The following CPED1 variants were observed in gnomAD, a reference collection of about 807,000 sequenced individuals.
The protein encoded by CPED1 is cadherin like and PC-esterase domain containing 1.
Under a neutral mutation model 128.2 loss-of-function variants are expected in CPED1, and 114 were observed. The ratio of observed to expected loss-of-function variants is 0.89; its 90% CI spans 0.76 to 1.04. The LOEUF is 1.04. CPED1 is among the 50% of genes least tolerant of loss of function. The pLI is 0.00. For synonymous variants in CPED1, 462 were observed against 426.7 expected (o/e 1.08, Z -1.02); for missense variants, 1,211 against 1,207.1 (o/e 1.00, Z -0.05).
chr7:121,194,739 A>G (rs1337045114), intron 16 of CPED1, among the ~76,000 whole-genome samples: 1 of 152,090 alleles, frequency 6.6e-6, no homozygotes, highest in Non-Finnish European at 1.5e-5. Flanking sequence ...CTGTTTTTAA[A>G]AACATCCCTT....
chr7:121,070,184 A>G (rs12706312), intron 5 of CPED1, among the ~76,000 whole-genome samples: 2,656 of 149,066 alleles, frequency 0.018, 32 homozygotes, highest in Non-Finnish European at 0.027. Flanking sequence ...AATATAATTA[A>G]TATATAATTT....
At chr7:121,206,572 A>G (rs1318449976) in intron 16 of CPED1, among the ~76,000 whole-genome samples, 1 of 151,974 alleles carries the variant, frequency 6.6e-6, no homozygotes, top group Non-Finnish European at 1.5e-5. Flanking sequence ...TGCCCCAGAC[A>G]TCACAGTTTG....
rs201765489 is a variant in CPED1, at chr7:121,125,908, G to A, written c.1134+16G>A. 21 of 1,551,308 alleles carry A rather than the reference G, an allele frequency of 1.4e-5. No individual in the cohort carries two copies. The African/African-American group carries it at 2.7e-4, about 20-fold the overall frequency. The stretch of plus-strand genomic sequence containing the variant: ...AGTGCTCCAGGTCAGTATGCCAAAG[G>A]CCTCATGTGAGCTTCTACCTTGTGG... On this transcript the variant is annotated intron_variant, in intron 9 of 22. Coordinates refer to ENST00000310396, the MANE Select transcript of CPED1 (RefSeq NM_024913.5).
chr7:121,096,983 AT>A (rs1344397589), intron 5 of CPED1, among the ~76,000 whole-genome samples: 2 of 152,160 alleles, frequency 1.3e-5, no homozygotes, highest in African/African-American at 4.8e-5. Context: ...GCTTATTCAG[AT>A]CTTACAAGTT....
In CPED1 at chr7:121,244,013, G is replaced by C. The variant is rs143693232; in HGVS notation, c.2174-189G>C. Among the ~76,000 whole-genome samples, 68 of 152,302 alleles carry C rather than the reference G, an allele frequency of 4.5e-4. 1 individual carries two copies. Among genetic ancestry groups the C allele is most frequent in the Middle Eastern group, 3.4e-3 (1 of 294 alleles). On this transcript the variant is annotated intron_variant, in intron 17 of 22. Coordinates refer to ENST00000310396, the MANE Select transcript of CPED1 (RefSeq NM_024913.5). ...TTTTAGCATGAAATGTGTTATTTCA[G>C]AACATTACTTAATGTTGCTATTCTA...
intron 16 of CPED1, among the ~76,000 whole-genome samples, chr7:121,227,692 A>G (rs1013004979): frequency 5.9e-5 from 9 of 152,086 alleles, no homozygotes; most frequent in Non-Finnish European, 2.9e-5. Context: ...TAGCATTTCT[A>G]TTTTCTTATT....
intron 16 of CPED1, among the ~76,000 whole-genome samples, chr7:121,234,779 TA>T (rs1418638897): frequency 6.6e-6 from 1 of 152,096 alleles, no homozygotes; most frequent in Non-Finnish European, 1.5e-5. Context: ...ACAAAATCAA[TA>T]TTTAGTACAT....
chr7:121,231,615 G>A (rs1238485230), intron 16 of CPED1, among the ~76,000 whole-genome samples: 4 of 152,060 alleles, frequency 2.6e-5, no homozygotes, highest in Non-Finnish European at 5.9e-5. Flanking sequence ...GTAGAACGTT[G>A]GATGGAGATA....
intron 10 of CPED1, among the ~76,000 whole-genome samples, chr7:121,127,561 A>G (rs1795536687): frequency 7.3e-6 from 1 of 136,508 alleles, no homozygotes; most frequent in Admixed American, 7.6e-5. Flanking sequence ...TTTGAGACAG[A>G]GTCTCGCTCT....
intron 16 of CPED1, among the ~76,000 whole-genome samples, chr7:121,207,358 C>A (rs946475609): frequency 3.3e-5 from 5 of 151,932 alleles, no homozygotes; most frequent in African/African-American, 1.2e-4. Context: ...CCTGTTTCCC[C>A]ACAGTCTCAC....
chr7:121,130,144 C>T lies in CPED1; in HGVS notation c.1427C>T (p.Pro476Leu), dbSNP rs761412653. The change falls in exon 12 of 23, where the codon CCT becomes CTT. Residue 476 changes from proline to leucine, a missense_variant. Physicochemically the swap from Pro to Leu is moderately conservative, Grantham distance 98. Coordinates refer to ENST00000310396, the MANE Select transcript of CPED1 (RefSeq NM_024913.5). Reference protein sequence around the residue: ...QFQLLFPSTTPGIQSLMHEFY... With the variant: ...QFQLLFPSTTLGIQSLMHEFY... ...TCTCAGCTCTTCCCATCTACTACTC[C>T]TGGGATTCAGTCACTGATGCATGAA... 1 of 1,612,366 alleles carries T rather than the reference C, an allele frequency of 6.2e-7. No individual in the cohort carries two copies. The highest frequency in any genetic ancestry group is 8.5e-7 in the Non-Finnish European group (1 of 1,178,876).
chr7:121,090,835 G>A (rs577652966), intron 5 of CPED1, among the ~76,000 whole-genome samples: 1 of 152,174 alleles, frequency 6.6e-6, no homozygotes, highest in East Asian at 1.9e-4. Flanking sequence ...TATAATCCCA[G>A]CTACTCGAGA....
intron 16 of CPED1, among the ~76,000 whole-genome samples, chr7:121,162,428 G>T (rs952497017): frequency 2.0e-5 from 3 of 152,112 alleles, no homozygotes; most frequent in Non-Finnish European, 4.4e-5. Flanking sequence ...ATCAGATTCC[G>T]CACAGAGAAC....
rs377035175 is a variant in CPED1 at position 121,189,760 on chromosome 7, TTATATA to T, written c.2056-46921_2056-46916del. On this transcript the variant is annotated intron_variant, in intron 16 of 22. Transcript: ENST00000310396. The stretch of plus-strand genomic sequence containing the variant: ...TCTTATTTTACTTTCTTATGAGGTT[TTATATA>T]TATATATATATATATATATATATAT... Among the ~76,000 whole-genome samples the T allele has an allele frequency of 3.6e-3, 172 of 47,476 alleles. 4 individuals are homozygous for T. The highest frequency in any genetic ancestry group is 0.028 in the East Asian group (48 of 1,702). The allele number at this position is 47,476 out of a possible 152,430, so 31.1% of individuals were successfully genotyped here.
chr7:121,039,261 T>C (rs1792982523), intron 3 of CPED1, among the ~76,000 whole-genome samples: 1 of 152,110 alleles, frequency 6.6e-6, no homozygotes, highest in Non-Finnish European at 1.5e-5. Context: ...ACTCTATTTA[T>C]TTAATTGCCC....
At chr7:121,015,339 T>C (rs928612908) in intron 2 of CPED1, among the ~76,000 whole-genome samples, 6 of 152,258 alleles carry the variant, frequency 3.9e-5, no homozygotes, top group African/African-American at 1.4e-4. Context: ...AAAAGCACAG[T>C]GCAGATTAAA....
At chr7:121,087,545 C>G (rs1415312122) in intron 5 of CPED1, among the ~76,000 whole-genome samples, 1 of 152,116 alleles carries the variant, frequency 6.6e-6, no homozygotes, top group East Asian at 1.9e-4. Flanking sequence ...TTAAAGCTAA[C>G]TTGAATTATC....
Position 121,282,119 on chromosome 7 carries a change from A to C in CPED1, c.2868+10689A>C, listed in dbSNP as rs559241793. ...TCTTAGATATACCTGTCTCTTTTTCAGTGGTCAAGTCATCTGCACCCAAAT... is the reference window on the plus strand; with the variant it reads ...TCTTAGATATACCTGTCTCTTTTTCCGTGGTCAAGTCATCTGCACCCAAAT... On this transcript the variant is annotated intron_variant, in intron 22 of 22. Coordinates refer to ENST00000310396, the MANE Select transcript of CPED1 (RefSeq NM_024913.5). 1.6e-4 allele frequency among the ~76,000 whole-genome samples: 24 copies of C among 152,240 alleles called. No individual in the cohort carries two copies. The South Asian group carries it at 4.8e-3, about 30-fold the overall frequency.
intron 16 of CPED1, among the ~76,000 whole-genome samples, chr7:121,157,983 TAAAATATAAAAACTGTA>T (rs1796329420): frequency 6.6e-6 from 1 of 152,130 alleles, no homozygotes; most frequent in Non-Finnish European, 1.5e-5. Flanking sequence ...CTTGATATCA[TAAAATATAAAAACTGTA>T]AAAAATTTTT....
Sources: gnomAD v4.1 joint callset for allele counts (sites outside exome capture counted in the v4.1 genomes callset) on GRCh38, gnomAD v4.1.1 for gene constraint, MANE v1.5 for transcripts, NCBI Gene and HGNC (gene_info 2026-07-23, HGNC 2026-07-21) for gene names.